The following ATF7IP2 variants were observed in gnomAD, a reference collection of about 807,000 sequenced individuals.
ATF7IP2 encodes the protein activating transcription factor 7 interacting protein 2, also known as activating transcription factor 7-interacting protein 2.
Under a neutral mutation model 64.2 loss-of-function variants are expected in ATF7IP2, and 42 were observed. That is an observed-to-expected ratio of 0.65 (90% confidence interval 0.51 to 0.85). The LOEUF (loss-of-function observed/expected upper bound fraction) is 0.85, where lower values mean the gene tolerates loss of function less well. Among genes scored for constraint, ATF7IP2 ranks in the 40% least tolerant of loss-of-function variants. ATF7IP2 has a pLI of 0.00. For missense variants in ATF7IP2, 933 were observed against 784.2 expected (o/e 1.19, Z -2.27); for synonymous variants, 308 against 272.8 (o/e 1.13, Z -1.27).
At position 10,399,002 on chromosome 16, in the gene ATF7IP2, A is replaced by G. The variant is rs976620552; in HGVS notation, c.-242+12880A>G. Among the ~76,000 whole-genome samples the G allele has an allele frequency of 2.0e-5, 3 of 152,304 alleles. No homozygotes were observed. In the East Asian group the frequency reaches 5.8e-4, roughly 29 times the overall value. ...GTGGTGCATGCCTGTAATCCCAGCT[A>G]TTCAGGAGGCTGAGGCAGGAGAATC... On this transcript the variant is annotated intron_variant, in intron 1 of 13. Coordinates refer to ENST00000562102, the MANE Select transcript of ATF7IP2 (RefSeq NM_001393719.1).
At chr16:10,408,292 T>C (rs1160846147) in intron 1 of ATF7IP2, among the ~76,000 whole-genome samples, 1 of 152,262 alleles carries the variant, frequency 6.6e-6, no homozygotes, top group Non-Finnish European at 1.5e-5. Context: ...ATTGTGCTGC[T>C]ATAAATAAGC....
chr16:10,458,557 G>A (rs1293988289), intron 9 of ATF7IP2, among the ~76,000 whole-genome samples: 1 of 152,210 alleles, frequency 6.6e-6, no homozygotes, highest in Non-Finnish European at 1.5e-5. Context: ...AGCCCATGGT[G>A]AATGTGCGGA....
intron 1 of ATF7IP2, among the ~76,000 whole-genome samples, chr16:10,399,088 G>A (rs1359758815): frequency 6.6e-6 from 1 of 150,584 alleles, no homozygotes; most frequent in East Asian, 2.0e-4. Context: ...ACTCCAGCCT[G>A]GGCAACAAGA....
chr16:10,438,087 T>C lies in ATF7IP2; in HGVS notation c.961-14T>C. ...GAAACGTAGGGTGTTTTGGTTTTTA[T>C]TTTAAAATTCTAGGTCAGACATTTG... is the stretch of plus-strand genomic sequence containing the variant. On this transcript the variant is annotated splice_polypyrimidine_tract_variant and intron_variant, in intron 6 of 13. Coordinates refer to ENST00000562102, the MANE Select transcript of ATF7IP2 (RefSeq NM_001393719.1). 1 of 1,523,468 alleles carries C rather than the reference T, an allele frequency of 6.6e-7. No homozygotes were observed. Among genetic ancestry groups the C allele is most frequent in the Non-Finnish European group, 8.8e-7 (1 of 1,141,056 alleles). The allele number at this position is 1,523,468 out of a possible 1,614,324, so 94.4% of individuals were successfully genotyped here.
chr16:10,387,437 A>C (rs1295543262), intron 1 of ATF7IP2: 1 of 152,250 alleles, frequency 6.6e-6, no homozygotes, highest in Admixed American at 6.5e-5. Context: ...CAACAGAAAT[A>C]CATGAGCCAG....
intron 1 of ATF7IP2, among the ~76,000 whole-genome samples, chr16:10,413,607 T>A (rs1402579053): frequency 2.0e-5 from 3 of 152,224 alleles, no homozygotes; most frequent in Non-Finnish European, 4.4e-5. Flanking sequence ...GTTTGTTTAT[T>A]GTATTTTTGC....
chr16:10,399,868 T>C (rs2047492931), intron 1 of ATF7IP2, among the ~76,000 whole-genome samples: 1 of 152,184 alleles, frequency 6.6e-6, no homozygotes. Flanking sequence ...TTTGTCAGTG[T>C]TTTATAGTTT....
intron 12 of ATF7IP2, among the ~76,000 whole-genome samples, chr16:10,476,893 G>C (rs1364793880): frequency 6.6e-6 from 1 of 152,014 alleles, no homozygotes; most frequent in African/African-American, 2.4e-5. Flanking sequence ...ATTTTCTTTA[G>C]TCTATCATTG....
chr16:10,404,542 CA>C (rs2047596973), intron 1 of ATF7IP2, among the ~76,000 whole-genome samples: 1 of 152,080 alleles, frequency 6.6e-6, no homozygotes, highest in Admixed American at 6.5e-5. Flanking sequence ...CCACTCTGCC[CA>C]GCCTTTTTTT....
intron 1 of ATF7IP2, among the ~76,000 whole-genome samples, chr16:10,413,973 T>A (rs2047821028): frequency 6.6e-6 from 1 of 152,228 alleles, no homozygotes; most frequent in African/African-American, 2.4e-5. Context: ...TAGGTTTTCC[T>A]TTATAGATTA....
chr16:10,481,714 C>T (rs1248084032), intron 13 of ATF7IP2, 122 bp from the exon 14 acceptor site: 8 of 836,624 alleles, frequency 9.6e-6, no homozygotes, highest in South Asian at 4.1e-5. Flanking sequence ...GATCCAGCCT[C>T]ACATATTACT....
chr16:10,444,206 G>C (rs575082629), intron 8 of ATF7IP2, among the ~76,000 whole-genome samples: 18 of 152,310 alleles, frequency 1.2e-4, no homozygotes, highest in African/African-American at 4.3e-4. Flanking sequence ...GGTAGCTAAC[G>C]AAAGAAAGAG....
chr16:10,475,144 T>C (rs192917938), intron 12 of ATF7IP2, among the ~76,000 whole-genome samples: 7 of 88,560 alleles, frequency 7.9e-5, no homozygotes, highest in African/African-American at 3.1e-4. Flanking sequence ...AGATGGAAAG[T>C]AGATCTACAC....
rs954097702 is a variant in ATF7IP2 at position 10,472,153 on chromosome 16, T to A, written c.1396T>A (p.Leu466Met). Residue 466 changes from leucine to methionine, a missense_variant, in exon 10 of 14, where the codon TTG (leucine) becomes ATG (methionine). Transcript: ENST00000562102. ...VMLISVESPN[L>M]TTPITSNPTD... is the part of the protein sequence containing the mutation. ...GTTGATTTCTGTGGAAAGTCCTAATTTGACAACTCCAATTACATCAAATCC... is the reference window on the plus strand; with the variant it reads ...GTTGATTTCTGTGGAAAGTCCTAATATGACAACTCCAATTACATCAAATCC... 1.3e-6 allele frequency: 2 copies of A among 1,574,350 alleles called. No homozygotes were observed. Among genetic ancestry groups the A allele is most frequent in the Admixed American group, 1.8e-5 (1 of 56,244 alleles).
At chr16:10,479,990 T>C (rs2050159914) in intron 12 of ATF7IP2, among the ~76,000 whole-genome samples, 2 of 94,198 alleles carry the variant, frequency 2.1e-5, no homozygotes, top group African/African-American at 5.3e-5. Context: ...TTTTTTTTTT[T>C]TTTTTTTTTT....
intron 10 of ATF7IP2, among the ~76,000 whole-genome samples, chr16:10,473,110 G>A (rs995874246): frequency 6.6e-6 from 1 of 152,082 alleles, no homozygotes; most frequent in African/African-American, 2.4e-5. Context: ...TTTATCTTAG[G>A]CTTCCTACTG....
intron 12 of ATF7IP2, among the ~76,000 whole-genome samples, chr16:10,476,811 C>T (rs1244415481): frequency 6.6e-6 from 1 of 152,164 alleles, no homozygotes; most frequent in African/African-American, 2.4e-5. Context: ...CTAGCTCCAT[C>T]CATGTCCCTG....
chr16:10,393,047 C>T (rs769823090), intron 1 of ATF7IP2, among the ~76,000 whole-genome samples: 10 of 151,556 alleles, frequency 6.6e-5, no homozygotes, highest in Non-Finnish European at 1.3e-4. Flanking sequence ...CGATGGCTCA[C>T]ACCTGTAATT....
At chr16:10,445,969 C>T (rs186139780) in intron 8 of ATF7IP2, 1 of 152,326 alleles carries the variant, frequency 6.6e-6, no homozygotes, top group Admixed American at 6.5e-5. Context: ...TCTGCAAGTG[C>T]TTTAGGCTTG....
Sources: gnomAD v4.1 joint callset for allele counts (sites outside exome capture counted in the v4.1 genomes callset) on GRCh38, gnomAD v4.1.1 for gene constraint, MANE v1.5 for transcripts, NCBI Gene and HGNC (gene_info 2026-07-23, HGNC 2026-07-21) for gene names.